Variants in SLCO6A1 observed in about 807,000 individuals in gnomAD.
SLCO6A1 encodes the protein cancer/testis antigen 48.
Under a neutral mutation model 72.7 loss-of-function variants are expected in SLCO6A1, and 65 were observed. That is an observed-to-expected ratio of 0.89 (90% CI 0.73 to 1.10). SLCO6A1 has a LOEUF of 1.10. Among genes scored for constraint, SLCO6A1 ranks in the 50% least tolerant of loss-of-function variants. SLCO6A1 has a pLI of 0.00. For synonymous variants in SLCO6A1, 314 were observed against 298.2 expected (o/e 1.05, Z -0.55); for missense variants, 874 against 872.6 (o/e 1.00, Z -0.02).
At chr5:102,404,090 A>G (rs190289731) in intron 9 of SLCO6A1, among the ~76,000 whole-genome samples, 1 of 152,180 alleles carries the variant, frequency 6.6e-6, no homozygotes, top group Non-Finnish European at 1.5e-5. Flanking sequence ...TATTACTTAG[A>G]TGTACAATAT....
At chr5:102,385,694 G>A (rs979745114) in intron 12 of SLCO6A1, among the ~76,000 whole-genome samples, 7 of 151,512 alleles carry the variant, frequency 4.6e-5, no homozygotes, top group African/African-American at 1.7e-4. Flanking sequence ...CATTTTGTTT[G>A]TGTATTATTT....
intron 7 of SLCO6A1, among the ~76,000 whole-genome samples, chr5:102,423,188 A>C (rs1748701344): frequency 6.6e-6 from 1 of 152,160 alleles, no homozygotes; most frequent in African/African-American, 2.4e-5. Context: ...TATCATGACC[A>C]ACAACACTAT....
At chr5:102,438,058 C>T (rs1043921825) in intron 7 of SLCO6A1, among the ~76,000 whole-genome samples, 2 of 151,992 alleles carry the variant, frequency 1.3e-5, no homozygotes, top group African/African-American at 4.8e-5. Context: ...AAGGAGATAT[C>T]AACAAACCTT....
chr5:102,420,521 G>A (rs1320564210), intron 7 of SLCO6A1, among the ~76,000 whole-genome samples: 1 of 152,012 alleles, frequency 6.6e-6, no homozygotes, highest in African/African-American at 2.4e-5. Context: ...GCCATTAAAA[G>A]ACATTGTTTT....
Position 102,477,840 on chromosome 5 carries a change from A to G in SLCO6A1, c.638T>C (p.Val213Ala), listed in dbSNP as rs572687157. The G allele has an allele frequency of 6.2e-6, 10 of 1,604,624 alleles. No individual in the cohort carries two copies. Among genetic ancestry groups the G allele is most frequent in the Non-Finnish European group, 8.5e-6 (10 of 1,176,578 alleles). ...GIEDICEEIK[V>A]VSGCQSSGIS... ...ACCACTGCTCTGGCAACCACTGACA[A>G]CCTTTATTTCTTCGCAAATATCTTT... The change falls in exon 3 of 14, where the codon GTT (valine) becomes GCT (alanine). Residue 213 changes from valine (V) to alanine (A), a missense_variant. Transcript: ENST00000506729.
At chr5:102,400,978 C>T (rs1357597534) in intron 9 of SLCO6A1, among the ~76,000 whole-genome samples, 1 of 151,402 alleles carries the variant, frequency 6.6e-6, no homozygotes, top group Non-Finnish European at 1.5e-5. Context: ...GGAGACAGGA[C>T]ATTTTAAAAA....
intron 6 of SLCO6A1, among the ~76,000 whole-genome samples, chr5:102,448,106 T>A (rs552708689): frequency 2.2e-4 from 33 of 152,220 alleles, no homozygotes; most frequent in Non-Finnish European, 3.2e-4. Flanking sequence ...ATTTCTTGAT[T>A]TCTGCCTTAA....
At chr5:102,404,468 T>A (rs543039440) in intron 9 of SLCO6A1, among the ~76,000 whole-genome samples, 37 of 152,216 alleles carry the variant, frequency 2.4e-4, no homozygotes, top group African/African-American at 8.9e-4. Flanking sequence ...GCTGTGCCAC[T>A]GTACTCCAGC....
In SLCO6A1 at chr5:102,481,194, T is replaced by TTGC. The variant is rs916510682; in HGVS notation, c.359-763_359-761dup. On this transcript the variant is annotated intron_variant, in intron 1 of 13. Coordinates refer to ENST00000506729, the MANE Select transcript of SLCO6A1 (RefSeq NM_173488.5). Reference sequence around the variant, plus strand: ...ACTGGTGCATAGGCTGCTGCTACTATTGCTGCTGCTGCTGCTGTTAGAACT... The same window carrying TTGC: ...ACTGGTGCATAGGCTGCTGCTACTATTGCTGCTGCTGCTGCTGCTGTTAGAACT... Among the ~76,000 whole-genome samples the TTGC allele has an allele frequency of 2.5e-4, 38 of 151,810 alleles. No homozygotes were observed. In the East Asian group the frequency reaches 6.6e-3, roughly 27 times the overall value.
At chr5:102,481,763 G>C (rs1255695447) in intron 1 of SLCO6A1, among the ~76,000 whole-genome samples, 1 of 152,160 alleles carries the variant, frequency 6.6e-6, no homozygotes, top group Non-Finnish European at 1.5e-5. Context: ...CCAAAAAAGA[G>C]AGGTACACAG....
chr5:102,421,989 G>A (rs571227482), intron 7 of SLCO6A1, among the ~76,000 whole-genome samples: 34 of 152,306 alleles, frequency 2.2e-4, no homozygotes, highest in Middle Eastern at 6.8e-3. Flanking sequence ...AGGGTCTGGA[G>A]TGGACCTCCA....
chr5:102,381,298 T>A (rs748885253), intron 12 of SLCO6A1, among the ~76,000 whole-genome samples: 21 of 151,860 alleles, frequency 1.4e-4, no homozygotes, highest in South Asian at 1.2e-3. Context: ...TTTTTTAGAT[T>A]CCATGTATAA....
chr5:102,444,641 T>C (rs1191964040), intron 6 of SLCO6A1, among the ~76,000 whole-genome samples: 3 of 152,196 alleles, frequency 2.0e-5, no homozygotes, highest in Non-Finnish European at 4.4e-5. Flanking sequence ...ATTTCACCTC[T>C]TTTATTTTCA....
chr5:102,375,475 T>C (rs1745732579), intron 12 of SLCO6A1, among the ~76,000 whole-genome samples: 1 of 152,162 alleles, frequency 6.6e-6, no homozygotes, highest in African/African-American at 2.4e-5. Flanking sequence ...ATTATTCTAT[T>C]ACACAAAAGG....
At chr5:102,478,239 T>C (rs1011310680) in intron 2 of SLCO6A1, among the ~76,000 whole-genome samples, 1 of 152,074 alleles carries the variant, frequency 6.6e-6, no homozygotes, top group Non-Finnish European at 1.5e-5. Context: ...TAAATGTGCA[T>C]GCATGATTGT....
At chr5:102,476,265 G>A (rs1751895949) in intron 3 of SLCO6A1, among the ~76,000 whole-genome samples, 1 of 151,934 alleles carries the variant, frequency 6.6e-6, no homozygotes, top group South Asian at 2.1e-4. Flanking sequence ...AAGACATAGA[G>A]AACAGACAGA....
At chr5:102,408,323 G>A (rs879382875) in intron 9 of SLCO6A1, among the ~76,000 whole-genome samples, 18 of 151,634 alleles carry the variant, frequency 1.2e-4, no homozygotes, top group Admixed American at 5.9e-4. Flanking sequence ...AATTATGGAT[G>A]CAGGGGCTAC....
intron 7 of SLCO6A1, among the ~76,000 whole-genome samples, chr5:102,430,621 A>G (rs988199545): frequency 2.6e-5 from 4 of 152,176 alleles, no homozygotes; most frequent in Admixed American, 1.3e-4. Flanking sequence ...TGTATGTTTA[A>G]CCAATCTTGC....
chr5:102,498,231 G>A (rs945781552), intron 1 of SLCO6A1, among the ~76,000 whole-genome samples: 15 of 152,202 alleles, frequency 9.9e-5, no homozygotes, highest in South Asian at 2.1e-4. Context: ...CCGGCTCTGC[G>A]TGCCTTACTC....
Sources: gnomAD v4.1 joint callset for allele counts (sites outside exome capture counted in the v4.1 genomes callset) on GRCh38, gnomAD v4.1.1 for gene constraint, MANE v1.5 for transcripts, NCBI Gene and HGNC (gene_info 2026-07-23, HGNC 2026-07-21) for gene names.